ISM1: variants seen among roughly 807,000 people sequenced by gnomAD.
ISM1 encodes isthmin 1.
ISM1 carries 25 observed loss-of-function variants against 46.3 expected under a neutral mutation model. The ratio of observed to expected loss-of-function variants is 0.54; its 90% CI spans 0.39 to 0.75. The LOEUF (loss-of-function observed/expected upper bound fraction) is 0.75. Among genes scored for constraint, ISM1 ranks in the 30% least tolerant of loss-of-function variants. The pLI, the probability that ISM1 is intolerant of heterozygous loss-of-function variation, is 0.00. For missense variants in ISM1, 536 were observed against 625.4 expected, an observed-to-expected ratio of 0.86 and a Z score of 1.52; for synonymous variants, 255 against 256.7, an observed-to-expected ratio of 0.99 and a Z score of 0.06.
chr20:13,236,445 G>A (rs754540265), intron 1 of ISM1, among the ~76,000 whole-genome samples: 1 of 152,022 alleles, frequency 6.6e-6, no homozygotes, highest in Non-Finnish European at 1.5e-5. Flanking sequence ...GATTTGATTG[G>A]GGACACAACC....
At chr20:13,315,425 T>G in the ISM1 span, among the ~76,000 whole-genome samples, 2 of 151,976 alleles carry the variant, frequency 1.3e-5, no homozygotes, top group African/African-American at 4.8e-5. Flanking sequence ...CCAAGGAAAG[T>G]TATCAGGGAT....
chr20:13,298,929 T>C lies in ISM1; in HGVS notation c.878-13T>C, dbSNP rs2040433197. The C allele has an allele frequency of 6.2e-7, 1 of 1,611,534 alleles. No individual in the cohort carries two copies. Among genetic ancestry groups the C allele is most frequent in the Non-Finnish European group, 8.5e-7 (1 of 1,178,652 alleles). On this transcript the variant is annotated splice_polypyrimidine_tract_variant and intron_variant, in intron 5 of 5. Transcript: ENST00000262487. ...TACACGCGGTGAGAGGGTTTCTCTT[T>C]GGCCTTTTCCAGACACAGACAGCTG...
At chr20:13,251,426 C>T (rs1568671022) in intron 1 of ISM1, among the ~76,000 whole-genome samples, 1 of 152,194 alleles carries the variant, frequency 6.6e-6, no homozygotes, top group Non-Finnish European at 1.5e-5. Context: ...AGAGATCAAA[C>T]ATGCGTCGTG....
At chr20:13,235,281 A>C (rs6109768) in intron 1 of ISM1, among the ~76,000 whole-genome samples, 40,670 of 152,084 alleles carry the variant, frequency 0.27, 5,687 homozygotes, top group African/African-American at 0.36. Context: ...GGGATTACAC[A>C]TCAGTCATAT....
At chr20:13,307,503 T>C in the ISM1 span, among the ~76,000 whole-genome samples, 1 of 152,152 alleles carries the variant, frequency 6.6e-6, no homozygotes, top group African/African-American at 2.4e-5. Flanking sequence ...GTGTACACTT[T>C]TTAAAAACTG....
At chr20:13,280,230 C>T (rs1411213322) in intron 3 of ISM1, among the ~76,000 whole-genome samples, 1 of 151,882 alleles carries the variant, frequency 6.6e-6, no homozygotes, top group Non-Finnish European at 1.5e-5. Context: ...AATTAACTTC[C>T]TTGTATTTTT....
chr20:13,243,732 C>A (rs1462438879), intron 1 of ISM1, among the ~76,000 whole-genome samples: 1 of 152,164 alleles, frequency 6.6e-6, no homozygotes, highest in Non-Finnish European at 1.5e-5. Flanking sequence ...CTATATCCAT[C>A]ACCGTTAAGC....
chr20:13,323,261 A>C, the ISM1 span, among the ~76,000 whole-genome samples: 6 of 152,212 alleles, frequency 3.9e-5, no homozygotes, highest in Admixed American at 3.9e-4. Flanking sequence ...GTGTTGAAGA[A>C]AAGACAGGGG....
intron 5 of ISM1, among the ~76,000 whole-genome samples, chr20:13,294,687 T>C (rs903020347): frequency 2.6e-5 from 4 of 152,116 alleles, no homozygotes; most frequent in African/African-American, 7.2e-5. Context: ...AGTGGAAGGA[T>C]TGAACTTTCA....
intron 1 of ISM1, among the ~76,000 whole-genome samples, chr20:13,268,919 A>G (rs1040668621): frequency 2.0e-5 from 3 of 152,146 alleles, no homozygotes; most frequent in African/African-American, 4.8e-5. Context: ...GTCTCTAAAA[A>G]ATGACACATA....
intron 2 of ISM1, among the ~76,000 whole-genome samples, chr20:13,271,825 A>C (rs1348293768): frequency 6.6e-6 from 1 of 151,416 alleles, no homozygotes; most frequent in Non-Finnish European, 1.5e-5. Flanking sequence ...CCCAGGTTAG[A>C]ATACAATGGC....
the ISM1 span, among the ~76,000 whole-genome samples, chr20:13,321,080 T>C: frequency 6.6e-6 from 1 of 151,576 alleles, no homozygotes; most frequent in African/African-American, 2.4e-5. Flanking sequence ...GTGCCTGTAA[T>C]CCCAGCAACT....
chr20:13,326,063 G>A, the ISM1 span, among the ~76,000 whole-genome samples: 1 of 152,158 alleles, frequency 6.6e-6, no homozygotes, highest in Non-Finnish European at 1.5e-5. Context: ...GAAACATGCA[G>A]TGTGTTACCT....
Position 13,270,650 on chromosome 20 carries a change from G to T in ISM1, c.285G>T (p.Leu95Phe), listed in dbSNP as rs754598816. 1.2e-6 allele frequency: 2 copies of T among 1,613,942 alleles called. No homozygotes were observed. The highest frequency in any genetic ancestry group is 3.3e-5 in the Admixed American group (2 of 60,020). Residue 95 changes from leucine (L) to phenylalanine (F), a missense_variant, in exon 2 of 6, where the codon TTG becomes TTT. By Grantham distance (22) the Leu-to-Phe change is conservative. This residue lies in a region of ISM1 where 367 missense variants were observed against 376.1 expected (regional missense o/e 0.98). Coordinates refer to ENST00000262487, the MANE Select transcript of ISM1 (RefSeq NM_080826.2). ...GACAAGAGACGGGGCACCCTTCATT[G>T]CAAAGAGATTTCCCCAGATCCTTTC... Reference protein sequence around the residue: ...RFRQETGHPSLQRDFPRSFLL... With the variant: ...RFRQETGHPSFQRDFPRSFLL...
chr20:13,263,829 TGTTA>T (rs1487221645), intron 1 of ISM1, among the ~76,000 whole-genome samples: 1 of 152,216 alleles, frequency 6.6e-6, no homozygotes, highest in African/African-American at 2.4e-5. Flanking sequence ...TTAACTATAT[TGTTA>T]GTTTGTTTTA....
Position 13,259,145 on chromosome 20 carries a change from T to A in ISM1, c.139-11359T>A, listed in dbSNP as rs148512928. Among the ~76,000 whole-genome samples the A allele has an allele frequency of 3.3e-3, 502 of 152,116 alleles. 6 individuals are homozygous for A. Among genetic ancestry groups the A allele is most frequent in the African/African-American group, 0.011 (466 of 41,496 alleles). The stretch of plus-strand genomic sequence containing the variant: ...TAAAAATACAAAAATTAGCCAGGCA[T>A]GGTGGTATGCGCCTGTAGTCCCAGT... On this transcript the variant is annotated intron_variant, in intron 1 of 5. Transcript: ENST00000262487.
Position 13,299,559 on chromosome 20 carries a change from G to C in ISM1, c.*100G>C. The C allele has an allele frequency of 1.8e-6, 2 of 1,087,622 alleles. No individual in the cohort carries two copies. Among genetic ancestry groups the C allele is most frequent in the East Asian group, 4.8e-5 (2 of 42,024 alleles). 67.4% of individuals were successfully genotyped at this position (1,087,622 alleles called of 1,614,324 possible). A position where few individuals can be genotyped will look rare whatever the true frequency, so the allele number is the denominator to read the frequency against. On this transcript the variant is annotated 3_prime_UTR_variant, in exon 6 of 6. Transcript: ENST00000262487. This position sits in a 1 kb window ranked among gnomAD's most constrained non-coding sequence, Gnocchi z 5.8. ...CGCCGAGACCTTCATAGCTGCGGTC[G>C]TGTATATTTGTATATACCACATGAG...
intron 5 of ISM1, among the ~76,000 whole-genome samples, chr20:13,298,643 C>T (rs2040429550): frequency 6.6e-6 from 1 of 152,092 alleles, no homozygotes; most frequent in Non-Finnish European, 1.5e-5. Flanking sequence ...TAAGAATATT[C>T]TCTACTTTTC....
At chr20:13,246,601 C>T (rs1232238239) in intron 1 of ISM1, among the ~76,000 whole-genome samples, 5 of 152,174 alleles carry the variant, frequency 3.3e-5, no homozygotes, top group East Asian at 1.9e-4. Context: ...AGAGCAGATA[C>T]GTGTTTTTTC....
Sources: gnomAD v4.1 joint callset for allele counts (sites outside exome capture counted in the v4.1 genomes callset) on GRCh38, gnomAD v4.1.1 for gene constraint, gnomAD v4.1.1 regional missense constraint, Gnocchi (gnomAD v3.1) non-coding constraint, MANE v1.5 for transcripts, NCBI Gene and HGNC (gene_info 2026-07-23, HGNC 2026-07-21) for gene names.